Variants in CSMD1 observed in about 807,000 individuals in gnomAD.
CSMD1 encodes the protein CUB and sushi domain-containing protein 1.
Under a neutral mutation model 417.5 loss-of-function variants are expected in CSMD1, and 213 were observed. The observed-to-expected ratio is 0.51, with a 90% CI of 0.46 to 0.57. The LOEUF (loss-of-function observed/expected upper bound fraction) is 0.57, where lower values mean the gene tolerates loss of function less well. Among genes scored for constraint, CSMD1 ranks in the 20% least tolerant of loss-of-function variants. The probability of loss-of-function intolerance (pLI) is 0.00; values close to 1 mark genes in which losing one functional copy is unlikely to be tolerated. For missense variants in CSMD1, 6,923 were observed against 4,529.7 expected (o/e 1.53, Z -15.17); for synonymous variants, 2,862 against 1,736.8 (o/e 1.65, Z -16.11).
At chr8:4,525,485 C>T (rs1270703611) in intron 2 of CSMD1, among the ~76,000 whole-genome samples, 4 of 152,100 alleles carry the variant, frequency 2.6e-5, no homozygotes, top group Non-Finnish European at 4.4e-5. Flanking sequence ...ATTGATTTGT[C>T]GTAAGAGCAA....
intron 5 of CSMD1, among the ~76,000 whole-genome samples, chr8:3,918,797 G>T (rs62480122): frequency 6.6e-6 from 1 of 152,046 alleles, no homozygotes; most frequent in African/African-American, 2.4e-5. Flanking sequence ...AACATTTTAT[G>T]TTCTCATTCA....
intron 1 of CSMD1, among the ~76,000 whole-genome samples, chr8:4,968,496 G>A (rs145413932): frequency 5.3e-5 from 8 of 152,146 alleles, no homozygotes; most frequent in African/African-American, 1.9e-4. Context: ...ATAGGAAAAT[G>A]CAAAATGCAA....
chr8:3,909,692 CCTT>C (rs1808332279), intron 5 of CSMD1, among the ~76,000 whole-genome samples: 1 of 152,110 alleles, frequency 6.6e-6, no homozygotes, highest in African/African-American at 2.4e-5. Flanking sequence ...CATCATTCCT[CCTT>C]CGAAATTCTT....
intron 3 of CSMD1, among the ~76,000 whole-genome samples, chr8:4,187,407 G>A (rs1161728965): frequency 6.6e-6 from 1 of 152,100 alleles, no homozygotes; most frequent in Non-Finnish European, 1.5e-5. Flanking sequence ...AGCACTTTGG[G>A]AGGCCAAGGC....
intron 10 of CSMD1, among the ~76,000 whole-genome samples, chr8:3,544,556 T>C (rs1585337233): frequency 6.6e-6 from 1 of 152,084 alleles, no homozygotes. Context: ...GTTTCTTGCA[T>C]GAGATCCAAG....
intron 15 of CSMD1, among the ~76,000 whole-genome samples, chr8:3,402,066 A>G (rs957225567): frequency 6.6e-6 from 1 of 151,882 alleles, no homozygotes; most frequent in African/African-American, 2.4e-5. Context: ...GTATTTTCCT[A>G]TGGCTTTATT....
At chr8:4,897,513 T>A (rs1207587041) in intron 1 of CSMD1, among the ~76,000 whole-genome samples, 1 of 152,076 alleles carries the variant, frequency 6.6e-6, no homozygotes, top group South Asian at 2.1e-4. Context: ...ACCTCTCATA[T>A]CCTATTCGGT....
chr8:4,981,371 T>G (rs1221049555), intron 1 of CSMD1, among the ~76,000 whole-genome samples: 1 of 152,150 alleles, frequency 6.6e-6, no homozygotes, highest in Non-Finnish European at 1.5e-5. Context: ...AATTTAGAAT[T>G]TGACTGATAG....
intron 1 of CSMD1, among the ~76,000 whole-genome samples, chr8:4,817,964 G>A (rs1433261966): frequency 1.3e-5 from 2 of 152,146 alleles, no homozygotes; most frequent in East Asian, 3.9e-4. Flanking sequence ...ATTAGGTACA[G>A]TTAAAAAGTT....
intron 26 of CSMD1, among the ~76,000 whole-genome samples, chr8:3,267,852 G>T (rs556241651): frequency 3.2e-3 from 486 of 152,240 alleles, no homozygotes; most frequent in Admixed American, 8.3e-3. Flanking sequence ...GGATGTGCAG[G>T]ACCCTGGCAG....
At chr8:3,483,146 T>G (rs982998060) in intron 11 of CSMD1, among the ~76,000 whole-genome samples, 1 of 151,694 alleles carries the variant, frequency 6.6e-6, no homozygotes, top group African/African-American at 2.4e-5. Flanking sequence ...GAAATAGAAA[T>G]AGATAAACAG....
intron 2 of CSMD1, among the ~76,000 whole-genome samples, chr8:4,561,880 A>G (rs920096025): frequency 6.6e-6 from 1 of 152,206 alleles, no homozygotes; most frequent in Non-Finnish European, 1.5e-5. Context: ...CACACAGCGC[A>G]TATGTCATGA....
intron 3 of CSMD1, among the ~76,000 whole-genome samples, chr8:4,233,430 G>T (rs181561985): frequency 6.6e-6 from 1 of 152,160 alleles, no homozygotes; most frequent in Non-Finnish European, 1.5e-5. Flanking sequence ...ACCTGACCCC[G>T]AATGTGATGG....
At chr8:3,605,537 C>A (rs2449167) in intron 8 of CSMD1, among the ~76,000 whole-genome samples, 108,512 of 152,128 alleles carry the variant, frequency 0.71, 39,325 homozygotes, top group Non-Finnish European at 0.78. Flanking sequence ...TTGTTTATCA[C>A]AACACATGGG....
intron 1 of CSMD1, among the ~76,000 whole-genome samples, chr8:4,831,529 A>C (rs1800146836): frequency 6.6e-6 from 1 of 152,030 alleles, no homozygotes; most frequent in African/African-American, 2.4e-5. Flanking sequence ...TTTTTTTTTA[A>C]TATCAGAAGA....
At chr8:4,399,578 A>T (rs1040609918) in intron 3 of CSMD1, among the ~76,000 whole-genome samples, 1 of 151,990 alleles carries the variant, frequency 6.6e-6, no homozygotes, top group African/African-American at 2.4e-5. Flanking sequence ...TTTTGTCTTT[A>T]TACCACCCCT....
At chr8:4,216,713 G>C (rs201854501) in intron 3 of CSMD1, among the ~76,000 whole-genome samples, 3 of 152,160 alleles carry the variant, frequency 2.0e-5, no homozygotes, top group Admixed American at 2.0e-4. Flanking sequence ...TCTAGGAGGA[G>C]GGGGTATAAA....
chr8:3,248,480 A>G (rs1800030308), intron 26 of CSMD1, among the ~76,000 whole-genome samples: 1 of 150,106 alleles, frequency 6.7e-6, no homozygotes, highest in Non-Finnish European at 1.5e-5. Flanking sequence ...CAGTGACATC[A>G]GTGAAGCCCC....
chr8:4,798,760 G>C (rs1378018282), intron 1 of CSMD1, among the ~76,000 whole-genome samples: 1 of 152,158 alleles, frequency 6.6e-6, no homozygotes, highest in African/African-American at 2.4e-5. Flanking sequence ...ACATTATGCT[G>C]ATAAAAACCT....
Sources: allele counts gnomAD v4.1 joint callset (sites outside exome capture counted in the v4.1 genomes callset), GRCh38; gene constraint gnomAD v4.1.1; transcripts MANE v1.5; gene names NCBI Gene and HGNC (gene_info 2026-07-23, HGNC 2026-07-21).